Variants in HSPA4L observed in about 807,000 individuals in gnomAD.
HSPA4L encodes heat shock protein family A (Hsp70) member 4 like.
A neutral mutation model predicts 100.3 loss-of-function variants in HSPA4L; 48 were observed. The observed-to-expected ratio is 0.48, with a 90% CI of 0.38 to 0.61. The LOEUF is 0.61. HSPA4L is among the 20% of genes least tolerant of loss of function. The probability of loss-of-function intolerance (pLI) is 0.00; values close to 1 mark genes in which losing one functional copy is unlikely to be tolerated. For synonymous variants in HSPA4L, 319 were observed against 328.2 expected (o/e 0.97, Z 0.30); for missense variants, 886 against 988.6 (o/e 0.90, Z 1.39).
upstream of HSPA4L, chr4:127,782,161 C>G (rs1267529046): frequency 1.6e-5 from 7 of 436,840 alleles, no homozygotes; most frequent in Admixed American, 1.5e-4. Flanking sequence ...TTTCTCGAAC[C>G]CGCAGCTTCT....
chr4:127,813,001 A>G, intron 12 of HSPA4L: 5 of 841,478 alleles, frequency 5.9e-6, no homozygotes, highest in Admixed American at 3.5e-5. Context: ...ATGCTGGGTA[A>G]CATTGTAGAC....
intron 12 of HSPA4L, chr4:127,812,601 A>G (rs1733565479): frequency 1.6e-6 from 1 of 632,404 alleles, no homozygotes; most frequent in Non-Finnish European, 2.8e-6. Flanking sequence ...ATGGCATTAG[A>G]TTTTTTGTCT....
chr4:127,831,847 AT>A (rs554897607), intron 18 of HSPA4L, among the ~76,000 whole-genome samples: 71 of 151,648 alleles, frequency 4.7e-4, no homozygotes, highest in Non-Finnish European at 8.0e-4. Context: ...GGGATATGTG[AT>A]TTTTTTTCTT....
Position 127,835,148 on chromosome 4 carries a change from T to C in HSPA4L, c.*2274T>C, listed in dbSNP as rs1450176297. 6 of 152,116 alleles carry C rather than the reference T, an allele frequency of 3.9e-5. No individual in the cohort carries two copies. Among genetic ancestry groups the C allele is most frequent in the Non-Finnish European group, 5.9e-5 (4 of 68,022 alleles). 9.4% of individuals were successfully genotyped at this position (152,116 alleles called of 1,614,324 possible). ...AATATGCAATGCTAGACAAAGATTT[T>C]CAAAATAAAAAGCTATTATTTCAGA... is the stretch of plus-strand genomic sequence containing the variant. On this transcript the variant is annotated 3_prime_UTR_variant, in exon 19 of 19. Coordinates refer to ENST00000296464, the MANE Select transcript of HSPA4L (RefSeq NM_014278.4).
At chr4:127,825,499 T>C (rs1259541200) in intron 16 of HSPA4L, among the ~76,000 whole-genome samples, 2 of 152,134 alleles carry the variant, frequency 1.3e-5, no homozygotes, top group Non-Finnish European at 2.9e-5. Context: ...AAGAAGTTAA[T>C]ACTGTGCAAA....
intron 3 of HSPA4L, 81 bp downstream of exon 3, chr4:127,795,989 G>A (rs1733010907): frequency 1.4e-6 from 2 of 1,441,706 alleles, no homozygotes. Flanking sequence ...TTTGTAGTTT[G>A]ACCTTTTTCC....
At chr4:127,829,894 G>A (rs1452609621) in intron 17 of HSPA4L, among the ~76,000 whole-genome samples, 1 of 152,002 alleles carries the variant, frequency 6.6e-6, no homozygotes, top group Non-Finnish European at 1.5e-5. Flanking sequence ...TAGAAACTGA[G>A]TCAGATGATT....
chr4:127,810,492 T>C (rs1449664916), intron 11 of HSPA4L, among the ~76,000 whole-genome samples: 1 of 152,150 alleles, frequency 6.6e-6, no homozygotes, highest in African/African-American at 2.4e-5. Flanking sequence ...GCATGGTGGC[T>C]CATGCCTGTA....
chr4:127,793,025 T>C (rs1732919079), intron 1 of HSPA4L, among the ~76,000 whole-genome samples: 1 of 152,284 alleles, frequency 6.6e-6, no homozygotes, highest in Middle Eastern at 3.4e-3. Flanking sequence ...GACTGGACCA[T>C]GAAAGGCCTT....
intron 15 of HSPA4L, 53 bp from the exon 16 acceptor site, chr4:127,823,464 T>A: frequency 7.6e-7 from 1 of 1,323,772 alleles, no homozygotes; most frequent in East Asian, 2.3e-5. Context: ...CAATGATGAC[T>A]TTTATTTCTA....
At chr4:127,794,307 T>G (rs905284915) in intron 2 of HSPA4L, among the ~76,000 whole-genome samples, 173 bp downstream of exon 2, 3 of 152,106 alleles carry the variant, frequency 2.0e-5, no homozygotes, top group African/African-American at 7.2e-5. Context: ...TGCTTTGGGT[T>G]GTAAAATATT....
At chr4:127,794,557 T>C (rs919832051) in intron 2 of HSPA4L, among the ~76,000 whole-genome samples, 5 of 152,052 alleles carry the variant, frequency 3.3e-5, no homozygotes, top group African/African-American at 1.2e-4. Flanking sequence ...TTACATAGAA[T>C]TTGTTGAAGT....
At chr4:127,786,972 A>T (rs1732734989) in intron 1 of HSPA4L, among the ~76,000 whole-genome samples, 1 of 152,180 alleles carries the variant, frequency 6.6e-6, no homozygotes, top group African/African-American at 2.4e-5. Flanking sequence ...TGTAATTAAT[A>T]CTTTGTAATA....
chr4:127,793,869 T>A (rs764515646), intron 1 of HSPA4L, among the ~76,000 whole-genome samples: 4 of 152,154 alleles, frequency 2.6e-5, no homozygotes, highest in Non-Finnish European at 5.9e-5. Context: ...CTATTAGGAC[T>A]TTTTTAAAAA....
At chr4:127,827,206 C>A (rs1014208400) in intron 16 of HSPA4L, 99 bp from the exon 17 acceptor site, 36 of 936,996 alleles carry the variant, frequency 3.8e-5, no homozygotes, top group Admixed American at 7.5e-5. Context: ...TTTTATCTGT[C>A]CATCTTTTCT....
At chr4:127,788,500 C>A (rs182410280) in intron 1 of HSPA4L, among the ~76,000 whole-genome samples, 20 of 152,228 alleles carry the variant, frequency 1.3e-4, no homozygotes, top group Non-Finnish European at 2.6e-4. Context: ...TTTTGTAGAT[C>A]CCTTAATTTG....
Position 127,818,437 on chromosome 4 carries a change from C to A in HSPA4L, c.1674+17C>A. On this transcript the variant is annotated intron_variant, in intron 13 of 18. Coordinates refer to ENST00000296464, the MANE Select transcript of HSPA4L (RefSeq NM_014278.4). ...AAAACAAAGGTTTGGTTTACTTTTT[C>A]TGTAGTTATGTCTTTTTGAAATTGA... is the stretch of plus-strand genomic sequence containing the variant. The A allele has an allele frequency of 1.4e-6, 2 of 1,481,068 alleles. No homozygotes were observed. The highest frequency in any genetic ancestry group is 1.9e-6 in the Non-Finnish European group (2 of 1,071,510). 91.7% of individuals were successfully genotyped at this position (1,481,068 alleles called of 1,614,324 possible).
At chr4:127,815,349 T>C (rs1461775226) in intron 12 of HSPA4L, among the ~76,000 whole-genome samples, 4 of 152,130 alleles carry the variant, frequency 2.6e-5, no homozygotes, top group Non-Finnish European at 5.9e-5. Flanking sequence ...TGAATACTTA[T>C]TAAGAAATTA....
At position 127,823,592 on chromosome 4, in the gene HSPA4L, CAAGTTTATGTGGATAAGCTTCAAGAACTA is replaced by C; in HGVS notation, c.2018_2046del (p.Val673GlufsTer14). On this transcript the variant is annotated frameshift_variant, in exon 16 of 19. Transcript: ENST00000296464. LOFTEE classifies it high-confidence loss of function. ...TGAAGACGGAGAGGACCAACCTAAA[CAAGTTTATGTGGATAAGCTTCAAGAACTA>C]AAGGTACATTTTTTTAAAGTCCATG... 1 of 1,613,118 alleles carries C rather than the reference CAAGTTTATGTGGATAAGCTTCAAGAACTA, an allele frequency of 6.2e-7. No individual in the cohort carries two copies. Among genetic ancestry groups the C allele is most frequent in the Non-Finnish European group, 8.5e-7 (1 of 1,179,140 alleles).
Sources: allele counts gnomAD v4.1 joint callset (sites outside exome capture counted in the v4.1 genomes callset), GRCh38; gene constraint gnomAD v4.1.1; transcripts MANE v1.5; gene names NCBI Gene and HGNC (gene_info 2026-07-23, HGNC 2026-07-21).